The following AGO3 variants were observed in gnomAD, a reference collection of about 807,000 sequenced individuals.
AGO3 encodes the protein argonaute RISC catalytic component 3.
In AGO3, 16 loss-of-function variants were observed where a neutral mutation model predicts 105.5. The observed-to-expected ratio is 0.15, with a 90% CI of 0.10 to 0.23. AGO3 has a LOEUF of 0.23. AGO3 is among the 10% of genes least tolerant of loss of function. The pLI is 1.00. For missense variants in AGO3, 534 were observed against 1,088.0 expected, an observed-to-expected ratio of 0.49 and a Z score of 7.16; for synonymous variants, 340 against 367.3, an observed-to-expected ratio of 0.93 and a Z score of 0.85.
At chr1:36,017,144 G>A (rs375598974) in intron 11 of AGO3, among the ~76,000 whole-genome samples, 3 of 152,064 alleles carry the variant, frequency 2.0e-5, no homozygotes, top group Non-Finnish European at 4.4e-5. Context: ...CCTACAGATG[G>A]CCATATGCAA....
rs375597128 is a variant in AGO3 at position 36,039,008 on chromosome 1, C to A, written c.1843-782C>A. Among the ~76,000 whole-genome samples, 13 of 152,216 alleles carry A rather than the reference C, an allele frequency of 8.5e-5. No homozygotes were observed. In the East Asian group the frequency reaches 1.5e-3, roughly 18 times the overall value. On this transcript the variant is annotated intron_variant, in intron 14 of 18. Transcript: ENST00000373191. ...AATTGGTCCTTGTTTTTTCTTATTT[C>A]TTTTCTCTTATTCTCTTATACACAT...
chr1:36,028,896 G>T (rs561083133), intron 12 of AGO3, among the ~76,000 whole-genome samples: 1 of 152,062 alleles, frequency 6.6e-6, no homozygotes, highest in Non-Finnish European at 1.5e-5. Flanking sequence ...TCTCGGGTTG[G>T]TCTCAAACTC....
intron 11 of AGO3, among the ~76,000 whole-genome samples, chr1:36,024,394 C>T (rs1327848996): frequency 6.6e-6 from 1 of 152,142 alleles, no homozygotes; most frequent in African/African-American, 2.4e-5. Flanking sequence ...GCCTTGGCCT[C>T]CCAAAGTGCT....
intron 2 of AGO3, among the ~76,000 whole-genome samples, chr1:35,949,300 C>T (rs1167220908): frequency 1.3e-5 from 2 of 152,196 alleles, no homozygotes; most frequent in African/African-American, 4.8e-5. Flanking sequence ...TATAAATCAG[C>T]TTTATACTTT....
At chr1:35,933,580 T>G (rs753292902) in intron 1 of AGO3, among the ~76,000 whole-genome samples, 24 of 134,188 alleles carry the variant, frequency 1.8e-4, no homozygotes, top group East Asian at 6.4e-4. Context: ...AGGCAGAGAT[T>G]GCAGTGAGCT....
intron 2 of AGO3, among the ~76,000 whole-genome samples, chr1:35,949,115 G>A (rs1646423164): frequency 6.6e-6 from 1 of 151,914 alleles, no homozygotes; most frequent in Non-Finnish European, 1.5e-5. Flanking sequence ...AGCTAATTTT[G>A]TATTATTAGT....
intron 17 of AGO3, among the ~76,000 whole-genome samples, chr1:36,047,773 C>T (rs545399103): frequency 6.6e-6 from 1 of 151,856 alleles, no homozygotes; most frequent in South Asian, 2.1e-4. Flanking sequence ...CCCAGCTACT[C>T]GGGACTGAGG....
At chr1:36,030,438 G>A (rs1043754970) in intron 12 of AGO3, among the ~76,000 whole-genome samples, 2 of 151,546 alleles carry the variant, frequency 1.3e-5, no homozygotes, top group African/African-American at 4.9e-5. Context: ...GTAGGTGGAG[G>A]TTGCAGTGAG....
intron 1 of AGO3, among the ~76,000 whole-genome samples, chr1:35,942,364 T>C (rs1225501162): frequency 6.6e-6 from 1 of 152,168 alleles, no homozygotes; most frequent in Non-Finnish European, 1.5e-5. Context: ...TTATAGTGTT[T>C]TTGTCAGGTT....
At chr1:36,019,177 C>T (rs1641079019) in intron 11 of AGO3, among the ~76,000 whole-genome samples, 1 of 152,106 alleles carries the variant, frequency 6.6e-6, no homozygotes, top group South Asian at 2.1e-4. Flanking sequence ...GCTTTCTTTA[C>T]CTGGTGAAAA....
chr1:36,012,390 A>T (rs1640663297), intron 9 of AGO3, among the ~76,000 whole-genome samples: 1 of 151,800 alleles, frequency 6.6e-6, no homozygotes, highest in African/African-American at 2.4e-5. Context: ...TTGTGGAGAG[A>T]TTCTATATAG....
Position 35,974,438 on chromosome 1 carries a change from T to C in AGO3, c.658+927T>C, listed in dbSNP as rs191059920. On this transcript the variant is annotated intron_variant, in intron 5 of 18. Transcript: ENST00000373191. ...GAATATGTTCAAATCTGATTTTGTC[T>C]TTTTGTTTTCTTGTGTTATTACCTT... Among the ~76,000 whole-genome samples, 665 of 152,316 alleles carry C rather than the reference T, an allele frequency of 4.4e-3. 2 individuals carry two copies. Among genetic ancestry groups the C allele is most frequent in the African/African-American group, 0.015 (629 of 41,582 alleles).
rs757905387 is a variant in AGO3 at position 36,034,213 on chromosome 1, C to T, written c.1631C>T (p.Ala544Val). 13 of 1,600,784 alleles carry T rather than the reference C, an allele frequency of 8.1e-6. No homozygotes were observed. Among genetic ancestry groups the T allele is most frequent in the Non-Finnish European group, 1.1e-5 (13 of 1,173,852 alleles). The stretch of plus-strand genomic sequence containing the variant: ...GTAGGAGACACACTTTTGGGTATGG[C>T]TACACAATGTGTTCAAGTCAAGAAT... The part of the protein sequence containing the change: ...KRVGDTLLGM[A>V]TQCVQVKNVI... The change falls in exon 13 of 19, where the codon GCT (alanine) becomes GTT (valine). Residue 544 changes from alanine to valine, a missense_variant. Coordinates refer to ENST00000373191, the MANE Select transcript of AGO3 (RefSeq NM_024852.4).
chr1:36,063,774 G>A lies in AGO3; in HGVS notation c.*8029G>A, dbSNP rs961830103. 2 of 152,188 alleles carry A rather than the reference G, an allele frequency of 1.3e-5. No individual in the cohort carries two copies. Among genetic ancestry groups the A allele is most frequent in the Non-Finnish European group, 2.9e-5 (2 of 68,030 alleles). 9.4% of individuals were successfully genotyped at this position (152,188 alleles called of 1,614,324 possible). A position where few individuals can be genotyped will look rare whatever the true frequency, so the allele number is the denominator to read the frequency against. On this transcript the variant is annotated 3_prime_UTR_variant, in exon 19 of 19. Coordinates refer to ENST00000373191, the MANE Select transcript of AGO3 (RefSeq NM_024852.4). Reference sequence around the variant, plus strand: ...TATATATAGACAGTCCAGTTTCCTAGTGAATAGGTCAAGATTATTTGTTTT... The same window carrying A: ...TATATATAGACAGTCCAGTTTCCTAATGAATAGGTCAAGATTATTTGTTTT...
At chr1:36,046,723 TA>T (rs1273769245) in intron 17 of AGO3, among the ~76,000 whole-genome samples, 1 of 144,524 alleles carries the variant, frequency 6.9e-6, no homozygotes, top group African/African-American at 2.5e-5. Flanking sequence ...AGCAGTGCCT[TA>T]GTCATCCAGA....
Position 35,952,796 on chromosome 1 carries a change from G to T in AGO3, c.191+6933G>T, listed in dbSNP as rs1232930599. Among the ~76,000 whole-genome samples the T allele has an allele frequency of 2.6e-5, 4 of 152,110 alleles. No individual in the cohort carries two copies. The South Asian group carries it at 6.2e-4, about 24-fold the overall frequency. Reference sequence around the variant, plus strand: ...ATGTGTAGTAGGCTCTACTATCTAGGTATGTGTAAGCACATTCTATGATGT... The same window carrying T: ...ATGTGTAGTAGGCTCTACTATCTAGTTATGTGTAAGCACATTCTATGATGT... On this transcript the variant is annotated intron_variant, in intron 2 of 18. Coordinates refer to ENST00000373191, the MANE Select transcript of AGO3 (RefSeq NM_024852.4).
At chr1:35,995,058 G>A (rs1170395650) in intron 5 of AGO3, among the ~76,000 whole-genome samples, 5 of 151,630 alleles carry the variant, frequency 3.3e-5, no homozygotes, top group Admixed American at 6.6e-5. Context: ...AAAATTAGCC[G>A]GGCATGGTGG....
Position 36,058,464 on chromosome 1 carries a change from A to G in AGO3, c.*2719A>G, listed in dbSNP as rs1372383776. On this transcript the variant is annotated 3_prime_UTR_variant, in exon 19 of 19. Coordinates refer to ENST00000373191, the MANE Select transcript of AGO3 (RefSeq NM_024852.4). ...TTTTTTTTTTTTTGCACTGGTTCAGAGTATAGATACTACAGATTGTTTCCA... is the reference window on the plus strand; with the variant it reads ...TTTTTTTTTTTTTGCACTGGTTCAGGGTATAGATACTACAGATTGTTTCCA... 5 of 151,328 alleles carry G rather than the reference A, an allele frequency of 3.3e-5. No individual in the cohort carries two copies. In the East Asian group the frequency reaches 7.7e-4, roughly 23 times the overall value. 9.4% of individuals were successfully genotyped at this position (151,328 alleles called of 1,614,324 possible). A position where few individuals can be genotyped will look rare whatever the true frequency, so the allele number is the denominator to read the frequency against.
intron 2 of AGO3, among the ~76,000 whole-genome samples, chr1:35,946,638 CAAG>C (rs1646369985): frequency 6.6e-6 from 1 of 152,120 alleles, no homozygotes; most frequent in Non-Finnish European, 1.5e-5. Flanking sequence ...TTGTTTCTCT[CAAG>C]AAATTTGTAA....
Sources: allele counts gnomAD v4.1 joint callset (sites outside exome capture counted in the v4.1 genomes callset), GRCh38; gene constraint gnomAD v4.1.1; transcripts MANE v1.5; gene names NCBI Gene and HGNC (gene_info 2026-07-23, HGNC 2026-07-21).